The following IQSEC1 variants were observed in gnomAD, a reference collection of about 807,000 sequenced individuals.
The protein encoded by IQSEC1 is IQ motif and Sec7 domain ArfGEF 1, also known as IQ motif and SEC7 domain-containing protein 1.
IQSEC1 carries 31 observed loss-of-function variants against 91.0 expected under a neutral mutation model. The ratio of observed to expected loss-of-function variants is 0.34; its 90% confidence interval spans 0.26 to 0.46. IQSEC1 has a LOEUF of 0.46. IQSEC1 is among the 20% of genes least tolerant of loss of function. IQSEC1 has a pLI of 1.00. For synonymous variants in IQSEC1, 699 were observed against 662.6 expected (o/e 1.05, Z -0.84); for missense variants, 1,388 against 1,575.6 (o/e 0.88, Z 2.02).
At chr3:13,028,955 A>G (rs1328275660) in intron 1 of IQSEC1, among the ~76,000 whole-genome samples, 1 of 152,170 alleles carries the variant, frequency 6.6e-6, no homozygotes, top group African/African-American at 2.4e-5. Flanking sequence ...GCCGTTCCTC[A>G]CACCTTCTGG....
rs551288457 is a variant in IQSEC1, at chr3:13,111,876, A to C, written c.302+52228T>G. ...CCAGAACTGAGAAATATATTCCCGT[A>C]GTTTAAGCCCCCACAAGTCTCCAGT... On this transcript the variant is annotated intron_variant, in intron 2 of 15. Transcript: ENST00000648114. 2.5e-4 allele frequency among the ~76,000 whole-genome samples: 38 copies of C among 152,264 alleles called. No individual in the cohort carries two copies. The East Asian group carries it at 4.1e-3, about 16-fold the overall frequency.
At chr3:13,046,831 C>G (rs360901) in intron 1 of IQSEC1, among the ~76,000 whole-genome samples, 2 of 151,758 alleles carry the variant, frequency 1.3e-5, no homozygotes, top group Non-Finnish European at 2.9e-5. Context: ...CCGAACACAG[C>G]CCTCTAAGCC....
rs1300807194 is a variant in IQSEC1, at chr3:12,901,418, G to C, written c.2910C>G (p.Gly970=). 5 of 1,546,858 alleles carry C rather than the reference G, an allele frequency of 3.2e-6. No individual in the cohort carries two copies. The Admixed American group carries it at 9.8e-5, about 30-fold the overall frequency. ...TCCCTCTCTTGCTCCCGAATAAGGA[G>C]CCCAGGAGGGAAGATGAGTTGGGCA... The part of the protein sequence containing the change: ...QTMPNSSSLL[G]SLFGSKRGKP... The change falls in exon 14 of 14, where the codon GGC becomes GGG. Residue 970 remains glycine, a synonymous_variant. Transcript: ENST00000613206.
chr3:12,985,481 G>A (rs950692269), intron 1 of IQSEC1, among the ~76,000 whole-genome samples: 73 of 119,930 alleles, frequency 6.1e-4, no homozygotes, highest in African/African-American at 2.2e-3. Context: ...GTTCTTTACT[G>A]CTTAACAATC....
intron 3 of IQSEC1, among the ~76,000 whole-genome samples, chr3:12,927,161 G>T (rs753290856): frequency 6.6e-6 from 1 of 152,202 alleles, no homozygotes; most frequent in Admixed American, 6.5e-5. Context: ...CAGGTGAGGG[G>T]TCGCCATGGC....
At chr3:13,182,604 G>A (rs1465004973) in intron 1 of IQSEC1, among the ~76,000 whole-genome samples, 1 of 152,106 alleles carries the variant, frequency 6.6e-6, no homozygotes, top group Non-Finnish European at 1.5e-5. Flanking sequence ...AACCTAGGTG[G>A]AATATTCACC....
chr3:12,967,575 C>G lies in IQSEC1; in HGVS notation c.24-25710G>C. 1.5e-6 allele frequency: 2 copies of G among 1,325,388 alleles called. No homozygotes were observed. The highest frequency in any genetic ancestry group is 1.9e-6 in the Non-Finnish European group (2 of 1,044,662). The allele number at this position is 1,325,388 out of a possible 1,614,324, so 82.1% of individuals were successfully genotyped here. A position where few individuals can be genotyped will look rare whatever the true frequency, so the allele number is the denominator to read the frequency against. On this transcript the variant is annotated intron_variant, in intron 1 of 13. Coordinates refer to ENST00000613206, the MANE Select transcript of IQSEC1 (RefSeq NM_001134382.3). The surrounding 1 kb of genome is among the most constrained non-coding windows in gnomAD (Gnocchi z 5.9). ...ACCCGGCCACCCGGAGACCCGACCACCCGCCACGCGATCACGTCGGGGCTC... is the reference window on the plus strand; with the variant it reads ...ACCCGGCCACCCGGAGACCCGACCAGCCGCCACGCGATCACGTCGGGGCTC...
rs1398562105 is a variant in IQSEC1, at chr3:12,899,806, G to C, written c.*1177C>G. The C allele has an allele frequency of 6.1e-6, 6 of 985,272 alleles. No homozygotes were observed. The highest frequency in any genetic ancestry group is 7.2e-6 in the Non-Finnish European group (6 of 829,938). 61.0% of individuals were successfully genotyped at this position (985,272 alleles called of 1,614,324 possible). On this transcript the variant is annotated 3_prime_UTR_variant, in exon 14 of 14. Coordinates refer to ENST00000613206, the MANE Select transcript of IQSEC1 (RefSeq NM_001134382.3). ...GATGAAAACACTCTCTGAGGGCTTC[G>C]GCCTGGTGTGGGTTGGAGGCGGGAT...
chr3:12,944,668 G>C lies in IQSEC1; in HGVS notation c.24-2803C>G, dbSNP rs113736251. 6.3e-3 allele frequency among the ~76,000 whole-genome samples: 955 copies of C among 152,348 alleles called. 3 individuals carry two copies. The highest frequency in any genetic ancestry group is 0.012 in the South Asian group (58 of 4,824). ...CAGGCACAGATCACAGGGAACAACG[G>C]CTGGTCCTTAAAGAGATGCAGCCGG... On this transcript the variant is annotated intron_variant, in intron 1 of 13. Coordinates refer to ENST00000613206, the MANE Select transcript of IQSEC1 (RefSeq NM_001134382.3).
intron 1 of IQSEC1, among the ~76,000 whole-genome samples, chr3:12,988,350 G>A (rs1701837093): frequency 6.6e-6 from 1 of 152,186 alleles, no homozygotes; most frequent in Non-Finnish European, 1.5e-5. Context: ...GGGAAGTGCA[G>A]GTTGCTGTGA....
chr3:13,061,508 T>C (rs531590941), intron 1 of IQSEC1, among the ~76,000 whole-genome samples: 4 of 151,672 alleles, frequency 2.6e-5, no homozygotes, highest in African/African-American at 7.3e-5. Flanking sequence ...ATCCTGAACA[T>C]CAGGGGTCCC....
intron 1 of IQSEC1, chr3:13,015,434 A>C (rs1703077789): frequency 2.3e-6 from 1 of 427,374 alleles, no homozygotes; most frequent in South Asian, 9.6e-5. Context: ...CGGGTCACAG[A>C]ATACAGCTCT....
intron 1 of IQSEC1, among the ~76,000 whole-genome samples, chr3:13,250,714 G>A (rs1470810385): frequency 2.0e-5 from 3 of 151,676 alleles, no homozygotes; most frequent in African/African-American, 7.3e-5. Flanking sequence ...TGATCTGCCC[G>A]CCTCGGCCTC....
intron 1 of IQSEC1, among the ~76,000 whole-genome samples, chr3:13,275,063 A>C (rs1026787147): frequency 6.6e-6 from 1 of 152,218 alleles, no homozygotes. Flanking sequence ...CCACTGGGTG[A>C]CTGTGGGCAA....
At chr3:13,225,404 C>T (rs1156904924) in intron 1 of IQSEC1, among the ~76,000 whole-genome samples, 2 of 152,228 alleles carry the variant, frequency 1.3e-5, no homozygotes, top group Non-Finnish European at 2.9e-5. Flanking sequence ...GAAGTCACCT[C>T]AAGATGTGAT....
At position 12,908,440 on chromosome 3, in the gene IQSEC1, C is replaced by T. The variant is rs532278369; in HGVS notation, c.2664G>A (p.Leu888=). 16 of 1,613,484 alleles carry T rather than the reference C, an allele frequency of 9.9e-6. No homozygotes were observed. The African/African-American group carries it at 1.6e-4, about 16-fold the overall frequency. Residue 888 remains leucine (L), a synonymous_variant, in exon 12 of 14, where the codon CTG becomes CTA. Transcript: ENST00000613206. The surrounding 1 kb of genome is among the most constrained non-coding windows in gnomAD (Gnocchi z 4.9). ...AGCTGTCGTCCAGGCAGGCCCGGCT[C>T]AGTGTTCCGTTGCCCGACTCCTTTT... is the stretch of plus-strand genomic sequence containing the variant. ...SLKKESGNGT[L]SRACLDDSYA...
chr3:13,249,110 G>A (rs1180100923), intron 1 of IQSEC1, among the ~76,000 whole-genome samples: 2 of 151,934 alleles, frequency 1.3e-5, no homozygotes, highest in African/African-American at 4.8e-5. Context: ...CTCAAAGGGT[G>A]GGACTTTGAT....
intron 2 of IQSEC1, among the ~76,000 whole-genome samples, chr3:13,092,560 C>A (rs927947708): frequency 3.3e-5 from 5 of 152,068 alleles, no homozygotes; most frequent in Non-Finnish European, 5.9e-5. Flanking sequence ...CCCTAAGGAC[C>A]AGGAGCAGCG....
chr3:13,193,835 C>T lies in IQSEC1; in HGVS notation c.273-29702G>A, dbSNP rs535610492. 6.6e-5 allele frequency among the ~76,000 whole-genome samples: 10 copies of T among 152,190 alleles called. 1 individual carries two copies. The highest frequency in any genetic ancestry group is 6.2e-4 in the South Asian group (3 of 4,828). On this transcript the variant is annotated intron_variant, in intron 1 of 15. Transcript: ENST00000648114. This position sits in a 1 kb window ranked among gnomAD's most constrained non-coding sequence, Gnocchi z 4.2. Reference sequence around the variant, plus strand: ...GACCTGGCCTGTGTGACTCCACCAGCGGCCAGCAGCTTCCAGTGTCCATCA... The same window carrying T: ...GACCTGGCCTGTGTGACTCCACCAGTGGCCAGCAGCTTCCAGTGTCCATCA...
Sources: gnomAD v4.1 joint callset for allele counts (sites outside exome capture counted in the v4.1 genomes callset) on GRCh38, gnomAD v4.1.1 for gene constraint, Gnocchi (gnomAD v3.1) non-coding constraint, MANE v1.5 for transcripts, NCBI Gene and HGNC (gene_info 2026-07-23, HGNC 2026-07-21) for gene names.